The following KIAA1671 variants were observed in gnomAD, a reference collection of about 807,000 sequenced individuals.
KIAA1671 encodes the protein KIAA1671.
A neutral mutation model predicts 131.2 loss-of-function variants in KIAA1671; 52 were observed. That is an observed-to-expected ratio of 0.40 (90% CI 0.32 to 0.50). KIAA1671 has a LOEUF of 0.50. KIAA1671 is among the 20% of genes least tolerant of loss of function. The pLI is 0.73. For missense variants in KIAA1671, 2,360 were observed against 2,364.2 expected, an observed-to-expected ratio of 1.00 and a Z score of 0.04; for synonymous variants, 1,003 against 961.6, an observed-to-expected ratio of 1.04 and a Z score of -0.80.
chr22:24,986,768 G>C (rs1003924253), intron 1 of KIAA1671, among the ~76,000 whole-genome samples: 2 of 150,632 alleles, frequency 1.3e-5, no homozygotes, highest in African/African-American at 4.9e-5. Flanking sequence ...TCTATGCTGG[G>C]GGCAGGGCCT....
Position 25,028,086 on chromosome 22 carries a change from G to A in KIAA1671, c.87G>A (p.Thr29=), listed in dbSNP as rs895231305. The A allele has an allele frequency of 6.8e-5, 105 of 1,551,126 alleles. No individual in the cohort carries two copies. The highest frequency in any genetic ancestry group is 2.4e-4 in the Admixed American group (12 of 50,938). ...LGEMGKEETL[T]RTYFLQAGEA... is the part of the protein sequence containing the mutation. The stretch of plus-strand genomic sequence containing the variant: ...AGATGGGCAAGGAGGAGACCCTGAC[G>A]AGGACCTACTTCCTCCAGGCCGGCG... The change falls in exon 3 of 13, where the codon ACG becomes ACA. Residue 29 remains threonine, a synonymous_variant. Coordinates refer to ENST00000358431, the MANE Select transcript of KIAA1671 (RefSeq NM_001145206.2).
chr22:25,152,149 C>A, intron 6 of KIAA1671, among the ~76,000 whole-genome samples: 1 of 152,150 alleles, frequency 6.6e-6, no homozygotes. Context: ...TCGTCAGGCC[C>A]TGAATGATTT....
In KIAA1671 at chr22:25,147,057, G is replaced by C. The variant is rs1932891986; in HGVS notation, c.4531-23763G>C. Reference sequence around the variant, plus strand: ...CAATATGATTTAGGGAAATGAGAGAGGGAGGGAGGGTGAGGGATGCTCCAC... The same window carrying C: ...CAATATGATTTAGGGAAATGAGAGACGGAGGGAGGGTGAGGGATGCTCCAC... On this transcript the variant is annotated intron_variant, in intron 6 of 12. Transcript: ENST00000358431. 2.0e-5 allele frequency among the ~76,000 whole-genome samples: 3 copies of C among 152,192 alleles called. 1 individual carries two copies. Among genetic ancestry groups the C allele is most frequent in the Admixed American group, 2.0e-4 (3 of 15,282 alleles).
intron 6 of KIAA1671, among the ~76,000 whole-genome samples, chr22:25,105,791 G>A (rs1324537371): frequency 3.5e-5 from 5 of 143,604 alleles, no homozygotes; most frequent in African/African-American, 5.1e-5. Context: ...TGAGGGCCAG[G>A]ATATATAGCT....
chr22:24,969,982 T>A (rs1373983256), intron 1 of KIAA1671, among the ~76,000 whole-genome samples: 3 of 152,096 alleles, frequency 2.0e-5, no homozygotes, highest in Non-Finnish European at 4.4e-5. Context: ...ACAGCCGAGG[T>A]GGGAACTGCT....
At chr22:25,068,505 C>T (rs1393320171) in intron 6 of KIAA1671, among the ~76,000 whole-genome samples, 3 of 152,106 alleles carry the variant, frequency 2.0e-5, no homozygotes. Context: ...GGCACGATCT[C>T]GGCTCACTGC....
chr22:25,174,634 G>GCAGGTCCAAGATA, intron 8 of KIAA1671, 145 bp downstream of exon 8: 1 of 924,258 alleles, frequency 1.1e-6, no homozygotes, highest in Non-Finnish European at 1.6e-6. Flanking sequence ...ACTCACTTAT[G>GCAGGTCCAAGATA]CATGTATCTT....
intron 5 of KIAA1671, among the ~76,000 whole-genome samples, chr22:25,043,757 G>C (rs994657542): frequency 2.0e-5 from 3 of 152,178 alleles, no homozygotes; most frequent in Non-Finnish European, 4.4e-5. Context: ...TCTCAGCAGG[G>C]CACAGCATGG....
At chr22:25,000,041 C>T (rs1480583399) in intron 1 of KIAA1671, among the ~76,000 whole-genome samples, 4 of 151,696 alleles carry the variant, frequency 2.6e-5, no homozygotes, top group South Asian at 4.2e-4. Context: ...CCTGCCACCA[C>T]GCCCAGCTAA....
At chr22:25,022,436 G>A (rs918773481) in intron 1 of KIAA1671, among the ~76,000 whole-genome samples, 6 of 152,310 alleles carry the variant, frequency 3.9e-5, no homozygotes, top group African/African-American at 1.2e-4. Flanking sequence ...AGAACCTGGT[G>A]CTTGGGAGGG....
intron 6 of KIAA1671, among the ~76,000 whole-genome samples, chr22:25,127,067 A>G (rs1932215163): frequency 6.6e-6 from 1 of 152,250 alleles, no homozygotes; most frequent in East Asian, 1.9e-4. Flanking sequence ...CTCAGATTCA[A>G]ATCCCTGCTC....
intron 6 of KIAA1671, among the ~76,000 whole-genome samples, chr22:25,100,296 G>T (rs1930598926): frequency 6.6e-6 from 1 of 152,138 alleles, no homozygotes; most frequent in Non-Finnish European, 1.5e-5. Context: ...TATGGGAGGG[G>T]GTCCCCAAAG....
chr22:25,093,038 A>G, intron 6 of KIAA1671, among the ~76,000 whole-genome samples: 2 of 152,156 alleles, frequency 1.3e-5, no homozygotes, highest in East Asian at 1.9e-4. Context: ...GAGTTTTGGA[A>G]GCAGACAGGT....
At chr22:24,999,105 G>T (rs753263966) in intron 1 of KIAA1671, among the ~76,000 whole-genome samples, 1 of 152,110 alleles carries the variant, frequency 6.6e-6, no homozygotes, top group African/African-American at 2.4e-5. Context: ...CAAAATGTTC[G>T]TGCCAATTTA....
chr22:25,004,515 A>G (rs915151953), intron 1 of KIAA1671, among the ~76,000 whole-genome samples: 4 of 152,248 alleles, frequency 2.6e-5, no homozygotes, highest in African/African-American at 9.6e-5. Context: ...TTACCAAAGT[A>G]TAGACAGTGA....
chr22:25,177,651 A>ATT (rs35952412), intron 9 of KIAA1671, 129 bp downstream of exon 9: 318 of 699,008 alleles, frequency 4.5e-4, no homozygotes, highest in South Asian at 2.2e-3. Flanking sequence ...TAGGAAACTG[A>ATT]TTTTTTTTTT....
intron 1 of KIAA1671, among the ~76,000 whole-genome samples, chr22:25,009,480 G>C (rs1236394122): frequency 6.6e-6 from 1 of 151,248 alleles, no homozygotes; most frequent in Non-Finnish European, 1.5e-5. Flanking sequence ...GGCCAGGCTG[G>C]TCTCGAACTC....
At chr22:25,064,350 T>G (rs1210304522) in intron 6 of KIAA1671, 2 of 152,228 alleles carry the variant, frequency 1.3e-5, no homozygotes, top group African/African-American at 2.4e-5. Flanking sequence ...CGTGAGCCAC[T>G]GCACCCCGCA....
chr22:25,107,272 C>T (rs998812499), intron 6 of KIAA1671, among the ~76,000 whole-genome samples: 3 of 151,864 alleles, frequency 2.0e-5, no homozygotes, highest in African/African-American at 7.3e-5. Context: ...AAAAAATTAG[C>T]CGGGCGTGGT....
Sources: gnomAD v4.1 joint callset for allele counts (sites outside exome capture counted in the v4.1 genomes callset) on GRCh38, gnomAD v4.1.1 for gene constraint, MANE v1.5 for transcripts, NCBI Gene and HGNC (gene_info 2026-07-23, HGNC 2026-07-21) for gene names.